The following PARN variants were observed in gnomAD, a reference collection of about 807,000 sequenced individuals.
The protein encoded by PARN is poly(A)-specific ribonuclease PARN.
In PARN, 71 loss-of-function variants were observed where a neutral mutation model predicts 102.8. The ratio of observed to expected loss-of-function variants is 0.69; its 90% CI spans 0.57 to 0.84. The LOEUF is 0.84. Ranked by LOEUF, PARN falls within the 40% of genes least tolerant of loss-of-function variation. The pLI is 0.00. For missense variants in PARN, 782 were observed against 760.9 expected (o/e 1.03, Z -0.33); for synonymous variants, 261 against 252.9 (o/e 1.03, Z -0.30).
rs547825884 is a variant in PARN at position 14,538,707 on chromosome 16, G to A, written c.1480+13314C>T. On this transcript the variant is annotated intron_variant, in intron 21 of 23. Coordinates refer to ENST00000437198, the MANE Select transcript of PARN (RefSeq NM_002582.4). ...TAACATAGGCCCTAAAACCGAAGTC[G>A]CCAATCTGTACTGATCTATGTTCCC... Among the ~76,000 whole-genome samples the A allele has an allele frequency of 6.0e-4, 91 of 152,184 alleles. 1 individual carries two copies. The South Asian group carries it at 0.014, about 24-fold the overall frequency.
chr16:14,498,486 T>TAGGCCTGCCTCTCACCTCTTCCC (rs1351713883), intron 21 of PARN, among the ~76,000 whole-genome samples: 1 of 152,156 alleles, frequency 6.6e-6, no homozygotes, highest in Non-Finnish European at 1.5e-5. Context: ...GTCCTCTTCC[T>TAGGCCTGCCTCTCACCTCTTCCC]AGGCCTGCCT....
intron 22 of PARN, among the ~76,000 whole-genome samples, chr16:14,462,636 T>TTGA (rs1265010624): frequency 2.0e-5 from 3 of 149,900 alleles, no homozygotes; most frequent in Non-Finnish European, 4.4e-5. Flanking sequence ...AAGGCCCAGA[T>TTGA]TGAGAGACAG....
chr16:14,456,341 T>A (rs1177262956), intron 22 of PARN, among the ~76,000 whole-genome samples: 1 of 151,942 alleles, frequency 6.6e-6, no homozygotes, highest in East Asian at 1.9e-4. Flanking sequence ...GACTAATTTT[T>A]AATTTTTTTG....
intron 21 of PARN, among the ~76,000 whole-genome samples, chr16:14,544,659 T>A (rs1238628859): frequency 6.6e-6 from 1 of 152,112 alleles, no homozygotes; most frequent in Non-Finnish European, 1.5e-5. Context: ...TCAGATAAGG[T>A]AGACTTAAAA....
At position 14,604,147 on chromosome 16, in the gene PARN, T is replaced by G. The variant is rs1344763500; in HGVS notation, c.782A>C (p.Gln261Pro). The change falls in exon 11 of 24, where the codon CAG becomes CCG. Residue 261 changes from glutamine to proline, a missense_variant and splice_region_variant. Physicochemically the swap from Gln to Pro is moderately conservative, Grantham distance 76. Coordinates refer to ENST00000437198, the MANE Select transcript of PARN (RefSeq NM_002582.4). Reference sequence around the variant, plus strand: ...CAAGAATTAACATAGCCCAATTACCTGTTCTTTGGCATGTTTCTGCTGCTC... The same window carrying G: ...CAAGAATTAACATAGCCCAATTACCGGTTCTTTGGCATGTTTCTGCTGCTC... ...RREQQKHAKE[Q>P]EELNDAVGFS... The G allele has an allele frequency of 6.3e-7, 1 of 1,586,544 alleles. No homozygotes were observed. Among genetic ancestry groups the G allele is most frequent in the East Asian group, 2.2e-5 (1 of 44,644 alleles).
At chr16:14,524,515 G>A (rs1177652842) in intron 21 of PARN, among the ~76,000 whole-genome samples, 1 of 152,176 alleles carries the variant, frequency 6.6e-6, no homozygotes, top group African/African-American at 2.4e-5. Context: ...TTTTCAAACT[G>A]CTTGCAAGCA....
intron 21 of PARN, among the ~76,000 whole-genome samples, chr16:14,531,274 C>T (rs1367977383): frequency 1.3e-5 from 2 of 151,766 alleles, no homozygotes; most frequent in African/African-American, 2.4e-5. Flanking sequence ...GAACCCAGAA[C>T]GCAGAGGTTG....
chr16:14,630,250 C>A lies in PARN; in HGVS notation c.-125G>T, dbSNP rs1206328161. On this transcript the variant is annotated 5_prime_UTR_variant, in exon 1 of 24. Coordinates refer to ENST00000437198, the MANE Select transcript of PARN (RefSeq NM_002582.4). ...GCCGCAGCGGTGACGCCGGCCGCGA[C>A]TTCCGGAAACAGCGCGCGCCTGCTG... 7.3e-6 allele frequency: 6 copies of A among 822,136 alleles called. No individual in the cohort carries two copies. The highest frequency in any genetic ancestry group is 1.1e-5 in the Non-Finnish European group (6 of 527,274). 50.9% of individuals were successfully genotyped at this position (822,136 alleles called of 1,614,324 possible). A position where few individuals can be genotyped will look rare whatever the true frequency, so the allele number is the denominator to read the frequency against.
At chr16:14,591,706 A>G (rs940969091) in intron 13 of PARN, among the ~76,000 whole-genome samples, 2 of 152,170 alleles carry the variant, frequency 1.3e-5, no homozygotes, top group Non-Finnish European at 2.9e-5. Context: ...GGAATTTGCT[A>G]AACTCAAAGA....
At chr16:14,555,794 A>C (rs1967647609) in intron 18 of PARN, 85 bp from the exon 19 acceptor site, 1 of 615,504 alleles carries the variant, frequency 1.6e-6, no homozygotes, top group Non-Finnish European at 2.8e-6. Context: ...ATTAGAAAAA[A>C]AAAATTTTAA....
intron 21 of PARN, among the ~76,000 whole-genome samples, chr16:14,520,942 A>C (rs1965702875): frequency 6.6e-6 from 1 of 152,198 alleles, no homozygotes; most frequent in African/African-American, 2.4e-5. Context: ...AACCAAACAA[A>C]CAACATGAGT....
intron 11 of PARN, among the ~76,000 whole-genome samples, chr16:14,603,011 C>T (rs1029957945): frequency 2.0e-5 from 3 of 152,118 alleles, no homozygotes; most frequent in African/African-American, 7.2e-5. Flanking sequence ...ACCTCCACCT[C>T]CCGGGGTCAA....
At chr16:14,468,420 TCA>T (rs141778349) in intron 22 of PARN, among the ~76,000 whole-genome samples, 1,646 of 152,094 alleles carry the variant, frequency 0.011, 41 homozygotes, top group African/African-American at 0.038. Flanking sequence ...ATGTGGGTCT[TCA>T]GAGAGAAGAC....
At chr16:14,534,255 A>G (rs1966513027) in intron 21 of PARN, among the ~76,000 whole-genome samples, 1 of 151,982 alleles carries the variant, frequency 6.6e-6, no homozygotes, top group African/African-American at 2.4e-5. Context: ...TACTTAAAGA[A>G]TAATACTGCA....
chr16:14,624,036 TACAA>T (rs1210912869), intron 5 of PARN, among the ~76,000 whole-genome samples: 1 of 152,208 alleles, frequency 6.6e-6, no homozygotes, highest in African/African-American at 2.4e-5. Context: ...CCTACTATTC[TACAA>T]ACACACTCTT....
At chr16:14,473,053 G>T (rs980070359) in intron 22 of PARN, among the ~76,000 whole-genome samples, 1 of 152,130 alleles carries the variant, frequency 6.6e-6, no homozygotes, top group Non-Finnish European at 1.5e-5. Flanking sequence ...AGAAAGAGAC[G>T]GAAGGCAGAA....
At chr16:14,613,894 T>G (rs534345029) in intron 6 of PARN, among the ~76,000 whole-genome samples, 14 of 152,178 alleles carry the variant, frequency 9.2e-5, no homozygotes, top group African/African-American at 3.1e-4. Context: ...AGTCAACAGA[T>G]TGCTGAAATA....
chr16:14,606,317 G>A (rs960617863), intron 10 of PARN, among the ~76,000 whole-genome samples, 167 bp downstream of exon 10: 1 of 151,402 alleles, frequency 6.6e-6, no homozygotes, highest in Non-Finnish European at 1.5e-5. Flanking sequence ...AGGATCACCT[G>A]AGCCCAGGAA....
intron 6 of PARN, among the ~76,000 whole-genome samples, chr16:14,616,829 C>A (rs1971932501): frequency 6.6e-6 from 1 of 152,000 alleles, no homozygotes; most frequent in Non-Finnish European, 1.5e-5. Context: ...CATGCACTAG[C>A]TGGAAAAGAG....
Sources: gnomAD v4.1 joint callset for allele counts (sites outside exome capture counted in the v4.1 genomes callset) on GRCh38, gnomAD v4.1.1 for gene constraint, MANE v1.5 for transcripts, NCBI Gene and HGNC (gene_info 2026-07-23, HGNC 2026-07-21) for gene names.